Variants in MIPEP observed in about 807,000 individuals in gnomAD.
The protein encoded by MIPEP is mitochondrial intermediate peptidase.
MIPEP carries 79 observed loss-of-function variants against 90.3 expected under a neutral mutation model. The ratio of observed to expected loss-of-function variants is 0.87; its 90% CI spans 0.73 to 1.05. The LOEUF is 1.05. Ranked by LOEUF, MIPEP falls within the 50% of genes least tolerant of loss-of-function variation. MIPEP has a pLI of 0.00. For synonymous variants in MIPEP, 334 were observed against 315.8 expected, an observed-to-expected ratio of 1.06 and a Z score of -0.61; for missense variants, 940 against 905.6, an observed-to-expected ratio of 1.04 and a Z score of -0.49.
intron 1 of MIPEP, among the ~76,000 whole-genome samples, chr13:23,886,828 T>C (rs1469807602): frequency 7.2e-6 from 1 of 139,026 alleles, no homozygotes; most frequent in Non-Finnish European, 1.6e-5. Context: ...AGATCATATA[T>C]GTAAATATAT....
At chr13:23,862,441 A>G (rs1870350321) in intron 8 of MIPEP, 79 bp from the exon 9 acceptor site, 1 of 773,588 alleles carries the variant, frequency 1.3e-6, no homozygotes, top group East Asian at 2.7e-5. Flanking sequence ...TGCTTATGTT[A>G]CATTCCAATA....
chr13:23,797,047 T>C (rs1165403755), intron 16 of MIPEP, among the ~76,000 whole-genome samples: 3 of 152,214 alleles, frequency 2.0e-5, no homozygotes, highest in Non-Finnish European at 4.4e-5. Flanking sequence ...ATTGTTGTGA[T>C]TATAGCAGTA....
intron 10 of MIPEP, among the ~76,000 whole-genome samples, chr13:23,844,939 A>C (rs2137469808): frequency 6.6e-6 from 1 of 152,280 alleles, no homozygotes; most frequent in Non-Finnish European, 1.5e-5. Context: ...AAACACCTCA[A>C]AAATATTAAC....
At chr13:23,870,941 G>A (rs1870776460) in intron 5 of MIPEP, among the ~76,000 whole-genome samples, 1 of 152,240 alleles carries the variant, frequency 6.6e-6, no homozygotes, top group Non-Finnish European at 1.5e-5. Context: ...TGGGGCTGAG[G>A]CAGCAGGATC....
chr13:23,858,880 A>AC lies in MIPEP; in HGVS notation c.1085dup (p.Ser362ArgfsTer10). On this transcript the variant is annotated frameshift_variant, in exon 10 of 19. Transcript: ENST00000382172. LOFTEE classifies it high-confidence loss of function. ...CTTACCTTTCTGCACGAATCACACC[A>AC]CTGTAGTAAGGGGGGTCCCAGGGCA... 6.2e-7 allele frequency: 1 copy of AC among 1,613,574 alleles called. No homozygotes were observed. Among genetic ancestry groups the AC allele is most frequent in the Non-Finnish European group, 8.5e-7 (1 of 1,179,638 alleles).
chr13:23,790,231 A>G (rs1189657420), intron 16 of MIPEP, among the ~76,000 whole-genome samples: 1 of 152,066 alleles, frequency 6.6e-6, no homozygotes, highest in Non-Finnish European at 1.5e-5. Flanking sequence ...TTTACCCTTC[A>G]CTACTGCAGT....
intron 10 of MIPEP, among the ~76,000 whole-genome samples, chr13:23,844,888 T>C (rs370689066): frequency 1.3e-5 from 2 of 152,260 alleles, no homozygotes; most frequent in East Asian, 1.9e-4. Context: ...CCTAAAATGA[T>C]TGGGAACAAA....
At chr13:23,796,336 GA>G (rs1952960781) in intron 16 of MIPEP, among the ~76,000 whole-genome samples, 2 of 152,110 alleles carry the variant, frequency 1.3e-5, no homozygotes, top group African/African-American at 4.8e-5. Flanking sequence ...AGAATTGCTT[GA>G]ACCGGGGAGG....
At chr13:23,779,662 C>T (rs894785352) in intron 16 of MIPEP, among the ~76,000 whole-genome samples, 2 of 151,966 alleles carry the variant, frequency 1.3e-5, no homozygotes, top group Non-Finnish European at 2.9e-5. Context: ...GGTGAGGCAT[C>T]GCCTCACCCA....
intron 9 of MIPEP, among the ~76,000 whole-genome samples, chr13:23,859,926 A>T (rs3794339): frequency 1.3e-5 from 2 of 152,080 alleles, no homozygotes; most frequent in African/African-American, 2.4e-5. Context: ...AGATACTTGT[A>T]GGCTTATTTT....
Position 23,858,857 on chromosome 13 carries a change from T to C in MIPEP, c.1106+3A>G, listed in dbSNP as rs748073680. The C allele has an allele frequency of 1.2e-6, 2 of 1,613,328 alleles. No individual in the cohort carries two copies. Among genetic ancestry groups the C allele is most frequent in the South Asian group, 2.2e-5 (2 of 91,064 alleles). On this transcript the variant is annotated splice_donor_region_variant and intron_variant, in intron 10 of 18. Transcript: ENST00000382172. Reference sequence around the variant, plus strand: ...CTGTACGGGTATTTCTTGAAAAACTTACCTTTCTGCACGAATCACACCACT... The same window carrying C: ...CTGTACGGGTATTTCTTGAAAAACTCACCTTTCTGCACGAATCACACCACT...
chr13:23,848,431 C>T (rs991165817), intron 10 of MIPEP, among the ~76,000 whole-genome samples: 1 of 151,098 alleles, frequency 6.6e-6, no homozygotes, highest in Admixed American at 6.6e-5. Context: ...TCATTAATCA[C>T]CTGCCATGTG....
At chr13:23,854,095 G>A (rs1869934153) in intron 10 of MIPEP, among the ~76,000 whole-genome samples, 1 of 151,636 alleles carries the variant, frequency 6.6e-6, no homozygotes, top group Admixed American at 6.6e-5. Context: ...GGAGGCCGAG[G>A]TGGGCGGATC....
At chr13:23,814,028 ATAT>A (rs1953206724) in intron 14 of MIPEP, among the ~76,000 whole-genome samples, 1 of 152,230 alleles carries the variant, frequency 6.6e-6, no homozygotes, top group South Asian at 2.1e-4. Context: ...GCCTTGAATA[ATAT>A]TATAATTATG....
chr13:23,796,727 A>G (rs1200452987), intron 16 of MIPEP, among the ~76,000 whole-genome samples: 1 of 152,200 alleles, frequency 6.6e-6, no homozygotes, highest in Admixed American at 6.5e-5. Flanking sequence ...AATCCGGATG[A>G]GCACACTATG....
At chr13:23,854,900 A>G (rs9510899) in intron 10 of MIPEP, among the ~76,000 whole-genome samples, 2 of 79,986 alleles carry the variant, frequency 2.5e-5, no homozygotes, top group African/African-American at 7.0e-5. Flanking sequence ...TCAAAAAAAA[A>G]GAAAAAAAAA....
At chr13:23,816,863 C>T (rs544411630) in intron 14 of MIPEP, among the ~76,000 whole-genome samples, 2 of 152,314 alleles carry the variant, frequency 1.3e-5, no homozygotes, top group South Asian at 4.1e-4. Flanking sequence ...TATCAGGGCC[C>T]TCAGATATTC....
At chr13:23,863,465 A>T (rs1870398470) in intron 8 of MIPEP, among the ~76,000 whole-genome samples, 1 of 152,246 alleles carries the variant, frequency 6.6e-6, no homozygotes, top group African/African-American at 2.4e-5. Flanking sequence ...CAGGCACAAA[A>T]TTATTAAAAA....
chr13:23,761,497 A>T (rs2861534), intron 16 of MIPEP, among the ~76,000 whole-genome samples: 151,163 of 152,274 alleles, frequency 0.99, 75,051 homozygotes, highest in East Asian at 1. Flanking sequence ...AGGACAATGT[A>T]GTAGTTATGA....
Sources: allele counts gnomAD v4.1 joint callset (sites outside exome capture counted in the v4.1 genomes callset), GRCh38; gene constraint gnomAD v4.1.1; transcripts MANE v1.5; gene names NCBI Gene and HGNC (gene_info 2026-07-23, HGNC 2026-07-21).